NLGN1: variants seen among roughly 807,000 people sequenced by gnomAD.
NLGN1 encodes the protein neuroligin-1.
In NLGN1, 12 loss-of-function variants were observed where a neutral mutation model predicts 65.5. That is an observed-to-expected ratio of 0.18 (90% CI 0.12 to 0.30). The LOEUF is 0.30. NLGN1 is among the 10% of genes least tolerant of loss of function. NLGN1 has a pLI of 1.00. For synonymous variants in NLGN1, 350 were observed against 359.5 expected (o/e 0.97, Z 0.30); for missense variants, 750 against 1,007.1 (o/e 0.74, Z 3.46).
chr3:174,212,567 G>A (rs1399964474), intron 4 of NLGN1, among the ~76,000 whole-genome samples: 1 of 152,234 alleles, frequency 6.6e-6, no homozygotes, highest in Non-Finnish European at 1.5e-5. Flanking sequence ...TTGTGTAAGT[G>A]TATCCCATGA....
intron 4 of NLGN1, among the ~76,000 whole-genome samples, chr3:174,244,958 T>C (rs146968844): frequency 6.6e-6 from 1 of 152,370 alleles, no homozygotes; most frequent in East Asian, 1.9e-4. Flanking sequence ...TTGGGTGGAA[T>C]TGAAGCCCTT....
At chr3:173,437,670 A>G (rs1247877553) in intron 2 of NLGN1, among the ~76,000 whole-genome samples, 1 of 152,068 alleles carries the variant, frequency 6.6e-6, no homozygotes, top group Non-Finnish European at 1.5e-5. Context: ...CCTCCAGACT[A>G]CAAACATGCC....
intron 4 of NLGN1, among the ~76,000 whole-genome samples, chr3:174,103,998 C>T (rs1034893460): frequency 1.4e-4 from 22 of 152,036 alleles, no homozygotes; most frequent in Non-Finnish European, 2.6e-4. Context: ...AATAGAACAC[C>T]TGGCTGTTTC....
At chr3:173,627,313 C>A (rs1410094205) in intron 3 of NLGN1, among the ~76,000 whole-genome samples, 1 of 152,072 alleles carries the variant, frequency 6.6e-6, no homozygotes, top group African/African-American at 2.4e-5. Flanking sequence ...ATTTGTCTTT[C>A]TGTGCTTTGC....
intron 3 of NLGN1, among the ~76,000 whole-genome samples, chr3:173,737,939 T>C (rs1478991667): frequency 1.3e-5 from 2 of 152,076 alleles, no homozygotes; most frequent in East Asian, 3.9e-4. Flanking sequence ...TGTTTTATTA[T>C]GGGCACTTAA....
intron 2 of NLGN1, among the ~76,000 whole-genome samples, chr3:173,547,607 T>C (rs532615939): frequency 6.6e-6 from 1 of 152,170 alleles, no homozygotes; most frequent in Non-Finnish European, 1.5e-5. Flanking sequence ...ATATACTTAT[T>C]TTTCCTCAGG....
chr3:174,095,560 A>G (rs937302523), intron 4 of NLGN1, among the ~76,000 whole-genome samples: 3 of 151,546 alleles, frequency 2.0e-5, no homozygotes, highest in African/African-American at 7.3e-5. Flanking sequence ...AAACGTGTGT[A>G]TGTATGTATG....
At chr3:174,241,638 C>A (rs73038838) in intron 4 of NLGN1, among the ~76,000 whole-genome samples, 10 of 151,544 alleles carry the variant, frequency 6.6e-5, no homozygotes, top group African/African-American at 2.4e-4. Flanking sequence ...TACCCCCCAA[C>A]ATCCAACATA....
chr3:173,997,939 TCAA>T (rs1173060101), intron 4 of NLGN1, among the ~76,000 whole-genome samples: 1 of 152,044 alleles, frequency 6.6e-6, no homozygotes, highest in East Asian at 1.9e-4. Context: ...TTATTCGCAT[TCAA>T]CAAGCATTTG....
chr3:174,242,487 TCA>T (rs1743065287), intron 4 of NLGN1, among the ~76,000 whole-genome samples: 3 of 152,108 alleles, frequency 2.0e-5, no homozygotes, highest in African/African-American at 7.2e-5. Context: ...TCCCCATTGC[TCA>T]CATTACTGCC....
chr3:174,040,421 A>G (rs960430284), intron 4 of NLGN1, among the ~76,000 whole-genome samples: 2 of 152,314 alleles, frequency 1.3e-5, no homozygotes, highest in South Asian at 2.1e-4. Flanking sequence ...GAAAGGAGCT[A>G]TCTTTGACCT....
intron 4 of NLGN1, among the ~76,000 whole-genome samples, chr3:173,897,978 C>T (rs1736626996): frequency 6.6e-6 from 1 of 152,180 alleles, no homozygotes; most frequent in Middle Eastern, 3.4e-3. Flanking sequence ...TCAAAAGCCA[C>T]ATGTAAAAGA....
rs536204263 is a variant in NLGN1, at chr3:173,573,907, C to CA, written c.-320-30366dup. On this transcript the variant is annotated intron_variant, in intron 2 of 6. Coordinates refer to ENST00000457714, the Ensembl canonical transcript of NLGN1. Reference sequence around the variant, plus strand: ...TGAAACCCCGTCTCTACTAAAAATACAAAAAATTAGCCGGGCGTGGTAGCG... The same window carrying CA: ...TGAAACCCCGTCTCTACTAAAAATACAAAAAAATTAGCCGGGCGTGGTAGCG... 4.7e-3 allele frequency among the ~76,000 whole-genome samples: 717 copies of CA among 151,180 alleles called. 3 individuals are homozygous for CA. The highest frequency in any genetic ancestry group is 0.016 in the African/African-American group (658 of 41,270).
chr3:173,743,479 T>A (rs1266361967), intron 3 of NLGN1, among the ~76,000 whole-genome samples: 1 of 152,178 alleles, frequency 6.6e-6, no homozygotes, highest in Non-Finnish European at 1.5e-5. Context: ...TCACTGTTAG[T>A]GCTTTCTACT....
rs115879559 is a variant in NLGN1, at chr3:173,855,421, A to T, written c.646+47589A>T. Among the ~76,000 whole-genome samples the T allele has an allele frequency of 2.8e-3, 432 of 152,214 alleles. 2 individuals carry two copies. The highest frequency in any genetic ancestry group is 9.7e-3 in the African/African-American group (404 of 41,568). On this transcript the variant is annotated intron_variant, in intron 4 of 6. Coordinates refer to ENST00000457714, the Ensembl canonical transcript of NLGN1. The stretch of plus-strand genomic sequence containing the variant: ...ATTTTGGTCAATTAACTAGAAATCA[A>T]CTAATAACAAAATGGTCTTGATTTT...
Position 173,780,324 on chromosome 3 carries a change from G to A in NLGN1, c.494-27356G>A, listed in dbSNP as rs533321106. Among the ~76,000 whole-genome samples the A allele has an allele frequency of 5.3e-5, 8 of 152,304 alleles. No individual in the cohort carries two copies. The East Asian group carries it at 1.5e-3, about 29-fold the overall frequency. ...ATACATGTATCTGCATATGGTCAGT[G>A]TACATGTATACGCTCAGTGGGGTCA... On this transcript the variant is annotated intron_variant, in intron 3 of 6. Coordinates refer to ENST00000457714, the Ensembl canonical transcript of NLGN1.
In NLGN1 at chr3:173,872,475, T is replaced by C. The variant is rs7644307; in HGVS notation, c.646+64643T>C. On this transcript the variant is annotated intron_variant, in intron 4 of 6. Coordinates refer to ENST00000457714, the Ensembl canonical transcript of NLGN1. ...TGACCACTGGATTTTTCCAATGATCTTGACAAAACAAAGTTTTGTGTTAAA... is the reference window on the plus strand; with the variant it reads ...TGACCACTGGATTTTTCCAATGATCCTGACAAAACAAAGTTTTGTGTTAAA... 4.0e-3 allele frequency among the ~76,000 whole-genome samples: 613 copies of C among 152,286 alleles called. 7 individuals carry two copies. Among genetic ancestry groups the C allele is most frequent in the African/African-American group, 0.014 (580 of 41,560 alleles).
In NLGN1 at chr3:173,905,779, C is replaced by G. The variant is rs564219853; in HGVS notation, c.646+97947C>G. The stretch of plus-strand genomic sequence containing the variant: ...AAAGAAGTCTCAGGACATAGCCTTT[C>G]CTTGAAGCAAAATGTCTGTCACTGA... On this transcript the variant is annotated intron_variant, in intron 4 of 6. Transcript: ENST00000457714. Among the ~76,000 whole-genome samples the G allele has an allele frequency of 1.2e-4, 19 of 152,302 alleles. No homozygotes were observed. The South Asian group carries it at 3.7e-3, about 30-fold the overall frequency.
intron 3 of NLGN1, among the ~76,000 whole-genome samples, chr3:173,754,247 C>T (rs568216502): frequency 6.6e-6 from 1 of 151,738 alleles, no homozygotes. Flanking sequence ...GGGGTTTCAC[C>T]ATTTTGTCCA....
Sources: allele counts gnomAD v4.1 joint callset (sites outside exome capture counted in the v4.1 genomes callset), GRCh38; gene constraint gnomAD v4.1.1; transcripts MANE v1.5; gene names NCBI Gene and HGNC (gene_info 2026-07-23, HGNC 2026-07-21).